The following GPAT3 variants were observed in gnomAD, a reference collection of about 807,000 sequenced individuals.
The protein encoded by GPAT3 is glycerol-3-phosphate acyltransferase 3, also known as 1-AGP acyltransferase 9.
In GPAT3, 53 loss-of-function variants were observed where a neutral mutation model predicts 58.8. The observed-to-expected ratio is 0.90, with a 90% CI of 0.72 to 1.13. The LOEUF is 1.13. GPAT3 is among the 50% of genes most tolerant of loss of function. GPAT3 has a pLI of 0.00. For synonymous variants in GPAT3, 197 were observed against 187.4 expected (o/e 1.05, Z -0.42); for missense variants, 511 against 527.6 (o/e 0.97, Z 0.31).
chr4:83,552,740 A>G (rs1013174195), intron 2 of GPAT3, among the ~76,000 whole-genome samples: 4 of 152,186 alleles, frequency 2.6e-5, no homozygotes, highest in Admixed American at 2.6e-4. Context: ...TGCTTTATGG[A>G]CTGAATGTCT....
chr4:83,581,554 C>T lies in GPAT3; in HGVS notation c.209-8C>T. ...GCATTTTCTCATGTCCTGATGCTTT[C>T]TTTTAAGGTATTATCCAAAGAGATG... On this transcript the variant is annotated splice_region_variant and splice_polypyrimidine_tract_variant and intron_variant, in intron 2 of 11. Transcript: ENST00000264409. 4 of 1,611,390 alleles carry T rather than the reference C, an allele frequency of 2.5e-6. No individual in the cohort carries two copies. Among genetic ancestry groups the T allele is most frequent in the Non-Finnish European group, 3.4e-6 (4 of 1,178,658 alleles).
chr4:83,602,421 C>T (rs1727088856), intron 11 of GPAT3, among the ~76,000 whole-genome samples: 1 of 152,174 alleles, frequency 6.6e-6, no homozygotes. Flanking sequence ...AAAGTGGCCT[C>T]ATTGCCTTTC....
chr4:83,562,211 T>TATATA (rs55826032), intron 2 of GPAT3, among the ~76,000 whole-genome samples: 1 of 73,008 alleles, frequency 1.4e-5, no homozygotes, highest in African/African-American at 8.1e-5. Context: ...TATATATATA[T>TATATA]TATATATATA....
chr4:83,566,793 C>CT (rs566919778), intron 2 of GPAT3, among the ~76,000 whole-genome samples: 75 of 137,134 alleles, frequency 5.5e-4, no homozygotes, highest in East Asian at 4.1e-3. Context: ...TTTAGCTTTT[C>CT]TTTTTTTTTT....
intron 6 of GPAT3, among the ~76,000 whole-genome samples, chr4:83,593,451 C>T (rs1394029764): frequency 6.9e-6 from 1 of 145,110 alleles, no homozygotes; most frequent in African/African-American, 2.9e-5. Context: ...CAGGTGTGAA[C>T]CACCACATCT....
At chr4:83,582,242 C>A (rs1483263129) in intron 3 of GPAT3, among the ~76,000 whole-genome samples, 1 of 152,216 alleles carries the variant, frequency 6.6e-6, no homozygotes, top group Non-Finnish European at 1.5e-5. Context: ...CAGTCCATAG[C>A]ACTTCATAAC....
intron 3 of GPAT3, among the ~76,000 whole-genome samples, chr4:83,586,101 G>A (rs1726366307): frequency 6.6e-6 from 1 of 152,132 alleles, no homozygotes; most frequent in South Asian, 2.1e-4. Flanking sequence ...TTGCCTCATA[G>A]AGTCTTGGGG....
At position 83,536,641 on chromosome 4, in the gene GPAT3, G is replaced by T. The variant is rs781449759; in HGVS notation, c.19G>T (p.Ala7Ser). The change falls in exon 1 of 12, where the codon GCC (alanine) becomes TCC (serine). Residue 7 changes from alanine (A) to serine (S), a missense_variant. By Grantham distance (99) the Ala-to-Ser change is moderately conservative. Coordinates refer to ENST00000264409, the MANE Select transcript of GPAT3 (RefSeq NM_032717.5). MEGAEL[A>S]GKILSTWLTL... ...CCGAGTCATGGAGGGCGCAGAGCTGGCCGGGAAGATCCTTTCCACCTGGCT... is the reference window on the plus strand; with the variant it reads ...CCGAGTCATGGAGGGCGCAGAGCTGTCCGGGAAGATCCTTTCCACCTGGCT... The T allele has an allele frequency of 4.3e-6, 7 of 1,612,826 alleles. No individual in the cohort carries two copies. The Admixed American group carries it at 6.7e-5, about 15-fold the overall frequency.
intron 6 of GPAT3, among the ~76,000 whole-genome samples, chr4:83,593,978 T>A (rs939441561): frequency 5.3e-5 from 8 of 152,216 alleles, no homozygotes; most frequent in Non-Finnish European, 1.0e-4. Context: ...GTTCATTCCA[T>A]CCCATTCCTT....
chr4:83,555,824 A>C (rs28463240), intron 2 of GPAT3, among the ~76,000 whole-genome samples: 5 of 152,196 alleles, frequency 3.3e-5, no homozygotes, highest in African/African-American at 1.2e-4. Context: ...CTCTAACTCC[A>C]GGTAGATAGT....
chr4:83,601,630 C>T (rs1435318630), intron 11 of GPAT3, among the ~76,000 whole-genome samples: 4 of 152,226 alleles, frequency 2.6e-5, no homozygotes, highest in Admixed American at 2.6e-4. Flanking sequence ...TGGCGCACAC[C>T]TGTAGTCCCA....
In GPAT3 at chr4:83,598,073, C is replaced by G. The variant is rs143821455; in HGVS notation, c.1019C>G (p.Ala340Gly). 2.5e-6 allele frequency: 4 copies of G among 1,613,526 alleles called. No individual in the cohort carries two copies. The African/African-American group carries it at 4.0e-5, about 16-fold the overall frequency. ...CAGTATAACCCTCAGTTCGGTGATG[C>G]ATTTTGGAACAGTAGTAAATACAAC... The part of the protein sequence containing the change: ...AIKYNPQFGD[A>G]FWNSSKYNMV... The change falls in exon 10 of 12, where the codon GCA becomes GGA. Residue 340 changes from alanine (A) to glycine (G), a missense_variant. By Grantham distance (60) the Ala-to-Gly change is moderately conservative (BLOSUM62 0). Transcript: ENST00000264409.
intron 2 of GPAT3, among the ~76,000 whole-genome samples, chr4:83,579,074 CTTT>C (rs1560621360): frequency 0.015 from 460 of 29,914 alleles, 23 homozygotes; most frequent in East Asian, 0.022. Context: ...TTCTTTCTTT[CTTT>C]CTTCCCTTCC....
In GPAT3 at chr4:83,597,414, C is replaced by T. The variant is rs1403432852; in HGVS notation, c.911-16C>T. On this transcript the variant is annotated splice_polypyrimidine_tract_variant and intron_variant, in intron 8 of 11. Coordinates refer to ENST00000264409, the MANE Select transcript of GPAT3 (RefSeq NM_032717.5). ...CCTTTAAAAATATTCACGCTCCTAC[C>T]CTCACCCCCTTGCAGGAACTTGCAT... 5 of 1,470,810 alleles carry T rather than the reference C, an allele frequency of 3.4e-6. No homozygotes were observed. Among genetic ancestry groups the T allele is most frequent in the East Asian group, 2.4e-5 (1 of 41,376 alleles). The allele number at this position is 1,470,810 out of a possible 1,614,324, so 91.1% of individuals were successfully genotyped here. A position where few individuals can be genotyped will look rare whatever the true frequency, so the allele number is the denominator to read the frequency against.
chr4:83,556,936 C>T (rs1014001595), intron 2 of GPAT3, among the ~76,000 whole-genome samples: 1 of 152,122 alleles, frequency 6.6e-6, no homozygotes, highest in African/African-American at 2.4e-5. Context: ...AGATCAAGGC[C>T]CAGCTTCCTG....
intron 2 of GPAT3, among the ~76,000 whole-genome samples, chr4:83,572,448 A>G (rs1287905136): frequency 6.6e-6 from 1 of 152,182 alleles, no homozygotes; most frequent in African/African-American, 2.4e-5. Context: ...CCCAAATTCA[A>G]CAGTTATCAA....
At chr4:83,571,061 T>C (rs150051931) in intron 2 of GPAT3, among the ~76,000 whole-genome samples, 193 of 152,356 alleles carry the variant, frequency 1.3e-3, no homozygotes, top group Middle Eastern at 3.4e-3. Flanking sequence ...AATGAAATCA[T>C]ACATTATATA....
At chr4:83,560,593 C>G (rs963407362) in intron 2 of GPAT3, among the ~76,000 whole-genome samples, 3 of 152,134 alleles carry the variant, frequency 2.0e-5, no homozygotes, top group African/African-American at 4.8e-5. Context: ...AAAAAGCACT[C>G]TATGCAGAGG....
rs1560611238 is a variant in GPAT3, at chr4:83,562,232, ATATAAT to A, written c.208+17631_208+17636del. The stretch of plus-strand genomic sequence containing the variant: ...TATATTATATATATATATAATATAT[ATATAAT>A]ATATATATATAAAATATAGTTTGGC... On this transcript the variant is annotated intron_variant, in intron 2 of 11. Coordinates refer to ENST00000264409, the MANE Select transcript of GPAT3 (RefSeq NM_032717.5). 2.4e-3 allele frequency among the ~76,000 whole-genome samples: 183 copies of A among 76,360 alleles called. 2 individuals carry two copies. Among genetic ancestry groups the A allele is most frequent in the African/African-American group, 4.6e-3 (88 of 19,332 alleles). 50.1% of individuals were successfully genotyped at this position (76,360 alleles called of 152,430 possible). A position where few individuals can be genotyped will look rare whatever the true frequency, so the allele number is the denominator to read the frequency against.
Sources: gnomAD v4.1 joint callset for allele counts (sites outside exome capture counted in the v4.1 genomes callset) on GRCh38, gnomAD v4.1.1 for gene constraint, MANE v1.5 for transcripts, NCBI Gene and HGNC (gene_info 2026-07-23, HGNC 2026-07-21) for gene names.